Variants in ABHD2 observed in about 807,000 individuals in gnomAD.
ABHD2 encodes the protein abhydrolase domain containing 2, acylglycerol lipase, also known as monoacylglycerol lipase ABHD2.
In ABHD2, 20 loss-of-function variants were observed where a neutral mutation model predicts 48.1. The ratio of observed to expected loss-of-function variants is 0.42; its 90% CI spans 0.29 to 0.60. The LOEUF is 0.60. ABHD2 is among the 20% of genes least tolerant of loss of function. The pLI is 0.24. For synonymous variants in ABHD2, 209 were observed against 214.2 expected (o/e 0.98, Z 0.21); for missense variants, 405 against 550.9 (o/e 0.74, Z 2.65).
Position 89,151,034 on chromosome 15 carries a change from T to G in ABHD2, c.195-643T>G, listed in dbSNP as rs1434451495. ...ACAATGCACCGTTGTTAGCGAGGCTTCATGCCTTGCGTAGGCTAACAAGCC... is the reference window on the plus strand; with the variant it reads ...ACAATGCACCGTTGTTAGCGAGGCTGCATGCCTTGCGTAGGCTAACAAGCC... On this transcript the variant is annotated intron_variant, in intron 3 of 10. Transcript: ENST00000352732. The surrounding 1 kb of genome is among the most constrained non-coding windows in gnomAD (Gnocchi z 4.7). 3.9e-5 allele frequency among the ~76,000 whole-genome samples: 6 copies of G among 152,268 alleles called. No individual in the cohort carries two copies.
intron 1 of ABHD2, among the ~76,000 whole-genome samples, chr15:89,096,705 G>A (rs2049619018): frequency 1.3e-5 from 2 of 152,180 alleles, no homozygotes; most frequent in Admixed American, 1.3e-4. Flanking sequence ...GTTATTTGGA[G>A]AACTTGAGAA....
rs778013252 is a variant in ABHD2 at position 89,193,271 on chromosome 15, G to A, written c.1033G>A (p.Asp345Asn). 1.2e-6 allele frequency: 2 copies of A among 1,614,042 alleles called. No homozygotes were observed. Among genetic ancestry groups the A allele is most frequent in the Non-Finnish European group, 1.7e-6 (2 of 1,180,036 alleles). The part of the protein sequence containing the change: ...VPLMLVNAAD[D>N]PLVHESLLTI... ...TCTCATGCTGGTTAATGCAGCTGAC[G>A]ATCCGTTGGTGCATGAAAGTCTTCT... The change falls in exon 10 of 11, where the codon GAT (aspartate) becomes AAT (asparagine). Residue 345 changes from aspartate (D) to asparagine (N), a missense_variant. Coordinates refer to ENST00000352732, the MANE Select transcript of ABHD2 (RefSeq NM_152924.5).
chr15:89,111,802 T>C (rs1206593343), intron 1 of ABHD2, among the ~76,000 whole-genome samples: 3 of 152,218 alleles, frequency 2.0e-5, no homozygotes, highest in African/African-American at 7.2e-5. Flanking sequence ...TTCTTGAAGC[T>C]GTCTCAAATA....
chr15:89,115,856 T>A (rs951141732), intron 2 of ABHD2, among the ~76,000 whole-genome samples: 1 of 152,098 alleles, frequency 6.6e-6, no homozygotes, highest in African/African-American at 2.4e-5. Flanking sequence ...TGTTCAAGGC[T>A]GTAAACACAA....
upstream of ABHD2, chr15:89,087,952 T>C (rs957546627): frequency 6.6e-6 from 1 of 152,094 alleles, no homozygotes; most frequent in Non-Finnish European, 1.5e-5. The surrounding 1 kb of genome is among the most constrained non-coding windows in gnomAD (Gnocchi z 5.5). Context: ...CTGCGAAATT[T>C]GAGTACACGT....
At chr15:89,050,659 G>A in the ABHD2 span, among the ~76,000 whole-genome samples, 1 of 152,192 alleles carries the variant, frequency 6.6e-6, no homozygotes, top group African/African-American at 2.4e-5. Context: ...TGCTGGGATG[G>A]GAGGTGGAGA....
At chr15:89,051,398 C>G in the ABHD2 span, among the ~76,000 whole-genome samples, 7 of 152,214 alleles carry the variant, frequency 4.6e-5, no homozygotes, top group Admixed American at 2.0e-4. Flanking sequence ...GGTGAAGACT[C>G]TCATGCACAG....
In ABHD2 at chr15:89,151,747, G is replaced by C. The variant is rs1184049028; in HGVS notation, c.265G>C (p.Val89Leu). ...QTALYGKMGRVRSPHPYGHRK... is the reference protein window; with the variant it reads ...QTALYGKMGRLRSPHPYGHRK... ...AGCCTTGTATGGGAAGATGGGAAGG[G>C]TGAGGTCGCCACATCCTTATGGGCA... Residue 89 changes from valine to leucine, a missense_variant, in exon 4 of 11, where the codon GTG becomes CTG. Val to Leu is a conservative substitution (Grantham distance 32). Coordinates refer to ENST00000352732, the MANE Select transcript of ABHD2 (RefSeq NM_152924.5). The surrounding 1 kb of genome is among the most constrained non-coding windows in gnomAD (Gnocchi z 4.7). The C allele has an allele frequency of 1.2e-6, 2 of 1,614,216 alleles. No individual in the cohort carries two copies. The highest frequency in any genetic ancestry group is 2.2e-5 in the South Asian group (2 of 91,086).
chr15:89,110,570 A>G (rs1229660043), intron 1 of ABHD2, among the ~76,000 whole-genome samples: 1 of 152,190 alleles, frequency 6.6e-6, no homozygotes. Flanking sequence ...TCCCTGGTTA[A>G]AATGAGAATT....
chr15:89,051,187 CA>C, the ABHD2 span, among the ~76,000 whole-genome samples: 21 of 152,286 alleles, frequency 1.4e-4, no homozygotes, highest in African/African-American at 5.1e-4. Context: ...GAGCCAAGAT[CA>C]TGCCACTGCA....
At chr15:89,041,242 GGAACAGAGAT>G in the ABHD2 span, 1 of 152,192 alleles carries the variant, frequency 6.6e-6, no homozygotes, top group Non-Finnish European at 1.5e-5. Context: ...GATGCCATGT[GGAACAGAGAT>G]GAACTGCCGC....
intron 4 of ABHD2, among the ~76,000 whole-genome samples, 174 bp downstream of exon 4, chr15:89,152,026 C>G (rs1039820825): frequency 6.6e-6 from 1 of 151,794 alleles, no homozygotes; most frequent in Non-Finnish European, 1.5e-5. Context: ...TTAGCTTCAG[C>G]GTATGTTTGC....
chr15:89,083,842 T>G (rs1001286580), upstream of ABHD2, among the ~76,000 whole-genome samples: 1 of 152,228 alleles, frequency 6.6e-6, no homozygotes, highest in Non-Finnish European at 1.5e-5. This position sits in a 1 kb window ranked among gnomAD's most constrained non-coding sequence, Gnocchi z 5.1. Context: ...AACTATTGCA[T>G]GCTGGGACTT....
rs1364227932 is a variant in ABHD2 at position 89,143,438 on chromosome 15, C to T, written c.195-8239C>T. ...ATCCCAGCACTTTGGGAGGCCGAGG[C>T]GGGTGGATCACCTGAGGTCGGGAGT... On this transcript the variant is annotated intron_variant, in intron 3 of 10. Transcript: ENST00000352732. Among the ~76,000 whole-genome samples, 9 of 152,276 alleles carry T rather than the reference C, an allele frequency of 5.9e-5. No homozygotes were observed. The South Asian group carries it at 1.7e-3, about 28-fold the overall frequency.
intron 2 of ABHD2, among the ~76,000 whole-genome samples, chr15:89,115,862 CACA>C (rs2049951697): frequency 1.3e-5 from 2 of 152,136 alleles, no homozygotes; most frequent in Non-Finnish European, 2.9e-5. Flanking sequence ...AGGCTGTAAA[CACA>C]ACATTTAACA....
At chr15:89,076,691 C>T in the ABHD2 span, among the ~76,000 whole-genome samples, 1 of 152,054 alleles carries the variant, frequency 6.6e-6, no homozygotes, top group Non-Finnish European at 1.5e-5. Context: ...ACCATGTTGC[C>T]CAGGCCAGTC....
chr15:89,169,737 A>C lies in ABHD2; in HGVS notation c.539-6075A>C, dbSNP rs369759999. On this transcript the variant is annotated intron_variant, in intron 5 of 10. Coordinates refer to ENST00000352732, the MANE Select transcript of ABHD2 (RefSeq NM_152924.5). ...CTTTAGCATTGTCGAAACTGGCCTG[A>C]GGAAATGTAAACATCTTTTTTTCCC... is the stretch of plus-strand genomic sequence containing the variant. Among the ~76,000 whole-genome samples the C allele has an allele frequency of 5.3e-5, 8 of 152,342 alleles. No homozygotes were observed. The East Asian group carries it at 1.2e-3, about 22-fold the overall frequency.
chr15:89,049,355 C>T, the ABHD2 span, among the ~76,000 whole-genome samples: 3 of 152,238 alleles, frequency 2.0e-5, no homozygotes, highest in Admixed American at 6.5e-5. Flanking sequence ...TGTCTGTGCC[C>T]TGCCCCCAGA....
At chr15:89,142,735 A>G (rs929147434) in intron 3 of ABHD2, among the ~76,000 whole-genome samples, 1 of 151,880 alleles carries the variant, frequency 6.6e-6, no homozygotes, top group Non-Finnish European at 1.5e-5. Flanking sequence ...CTTCTTCTCC[A>G]CCCAGTTCCT....
Sources: allele counts gnomAD v4.1 joint callset (sites outside exome capture counted in the v4.1 genomes callset), GRCh38; gene constraint gnomAD v4.1.1; non-coding constraint Gnocchi (gnomAD v3.1); transcripts MANE v1.5; gene names NCBI Gene and HGNC (gene_info 2026-07-23, HGNC 2026-07-21).